The following ZNF608 variants were observed in gnomAD, a reference collection of about 807,000 sequenced individuals.
ZNF608 encodes renal carcinoma antigen NY-REN-36.
Under a neutral mutation model 109.0 loss-of-function variants are expected in ZNF608, and 12 were observed. That is an observed-to-expected ratio of 0.11 (90% CI 0.07 to 0.18). The LOEUF (loss-of-function observed/expected upper bound fraction) is 0.18. Among genes scored for constraint, ZNF608 ranks in the 10% least tolerant of loss-of-function variants. ZNF608 has a pLI of 1.00. For missense variants in ZNF608, 1,707 were observed against 1,879.3 expected (o/e 0.91, Z 1.70); for synonymous variants, 732 against 717.4 (o/e 1.02, Z -0.33).
chr5:124,692,225 T>G (rs1313794356), intron 3 of ZNF608, among the ~76,000 whole-genome samples: 1 of 152,248 alleles, frequency 6.6e-6, no homozygotes, highest in African/African-American at 2.4e-5. Flanking sequence ...AAAGTAGATT[T>G]CTCTATTTTC....
At chr5:124,732,303 G>C (rs534579526) in intron 2 of ZNF608, among the ~76,000 whole-genome samples, 1 of 152,202 alleles carries the variant, frequency 6.6e-6, no homozygotes, top group African/African-American at 2.4e-5. Flanking sequence ...ATCAAAAAGA[G>C]AGACAGTTTA....
At chr5:124,739,223 TCAAA>T (rs2149901789) in intron 2 of ZNF608, among the ~76,000 whole-genome samples, 1 of 152,238 alleles carries the variant, frequency 6.6e-6, no homozygotes, top group East Asian at 1.9e-4. Context: ...ATAAAAGACC[TCAAA>T]CAAAGGCCGG....
chr5:124,698,439 T>C (rs1378196463), intron 3 of ZNF608, among the ~76,000 whole-genome samples: 1 of 152,232 alleles, frequency 6.6e-6, no homozygotes, highest in Non-Finnish European at 1.5e-5. Flanking sequence ...CAGCTCCTTC[T>C]TGTCACCACA....
intron 2 of ZNF608, among the ~76,000 whole-genome samples, chr5:124,716,142 C>CAAAAA (rs1232356378): frequency 6.1e-3 from 431 of 70,962 alleles, no homozygotes; most frequent in Non-Finnish European, 8.2e-3. Context: ...GAATCCGTCT[C>CAAAAA]AAAAAAAAAA....
At chr5:124,657,746 G>A (rs115929986) in intron 3 of ZNF608, among the ~76,000 whole-genome samples, 4,410 of 152,142 alleles carry the variant, frequency 0.029, 79 homozygotes, top group Middle Eastern at 0.061. Flanking sequence ...GGAAAGACAT[G>A]CTTTACTTCT....
chr5:124,694,289 G>A (rs185206117), intron 3 of ZNF608, among the ~76,000 whole-genome samples: 48 of 150,682 alleles, frequency 3.2e-4, no homozygotes, highest in Non-Finnish European at 5.8e-4. Flanking sequence ...CACTGCGCCC[G>A]GCCCTCATTA....
chr5:124,732,544 CAAAAA>C (rs779598186), intron 2 of ZNF608, among the ~76,000 whole-genome samples: 1 of 101,844 alleles, frequency 9.8e-6, no homozygotes, highest in Admixed American at 1.0e-4. Flanking sequence ...TTTGTTTGTT[CAAAAA>C]AAAAAAAAAA....
At chr5:124,662,360 T>C (rs1379106581) in intron 3 of ZNF608, among the ~76,000 whole-genome samples, 1 of 152,336 alleles carries the variant, frequency 6.6e-6, no homozygotes, top group East Asian at 1.9e-4. Flanking sequence ...ATCTGAAACA[T>C]TAGCCCCACA....
intron 9 of ZNF608, 134 bp downstream of exon 9, chr5:124,638,999 A>G (rs1750110892): frequency 1.1e-6 from 1 of 904,664 alleles, no homozygotes; most frequent in Non-Finnish European, 1.7e-6. Flanking sequence ...TTATATTGGC[A>G]TAATAAACAC....
At chr5:124,670,413 T>C (rs920442682) in intron 3 of ZNF608, among the ~76,000 whole-genome samples, 10 of 151,942 alleles carry the variant, frequency 6.6e-5, no homozygotes, top group African/African-American at 2.2e-4. Flanking sequence ...CGTCTTGATA[T>C]GCTATGTAAA....
chr5:124,660,193 TGA>T (rs68069481), intron 3 of ZNF608, among the ~76,000 whole-genome samples: 7,994 of 128,750 alleles, frequency 0.062, 402 homozygotes, highest in East Asian at 0.25. Context: ...TGTGTGTGTG[TGA>T]GAGAGAGAAT....
At position 124,701,280 on chromosome 5, in the gene ZNF608, G is replaced by A. The variant is rs374031836; in HGVS notation, c.907-11C>T. On this transcript the variant is annotated splice_polypyrimidine_tract_variant and intron_variant, in intron 2 of 9. Coordinates refer to ENST00000513986, the MANE Select transcript of ZNF608 (RefSeq NM_020747.3). ...AAACAGGGGGTCAACCTGAAAGACAGACAGGCTTACTGCAGTAGTGCTGCA... is the reference window on the plus strand; with the variant it reads ...AAACAGGGGGTCAACCTGAAAGACAAACAGGCTTACTGCAGTAGTGCTGCA... 5 of 1,613,704 alleles carry A rather than the reference G, an allele frequency of 3.1e-6. No homozygotes were observed. The African/African-American group carries it at 4.0e-5, about 13-fold the overall frequency.
intron 3 of ZNF608, among the ~76,000 whole-genome samples, chr5:124,686,003 T>C (rs74317925): frequency 0.029 from 4,405 of 152,324 alleles, 146 homozygotes; most frequent in East Asian, 0.13. Context: ...TGCAAGAAAC[T>C]GCAAGCTAAG....
Position 124,641,133 on chromosome 5 carries a change from A to C in ZNF608, c.4450+119T>G, listed in dbSNP as rs115575874. On this transcript the variant is annotated intron_variant, in intron 8 of 9. Transcript: ENST00000513986. Reference sequence around the variant, plus strand: ...TGTCACTAGAAAATAAGTGTTAAAAACCCTCCTGAGAGCTAATGTGAACTC... The same window carrying C: ...TGTCACTAGAAAATAAGTGTTAAAACCCCTCCTGAGAGCTAATGTGAACTC... 3,380 of 1,305,224 alleles carry C rather than the reference A, an allele frequency of 2.6e-3. 51 individuals are homozygous for C. In the African/African-American group the frequency reaches 0.041, roughly 16 times the overall value. 80.9% of individuals were successfully genotyped at this position (1,305,224 alleles called of 1,614,324 possible).
intron 2 of ZNF608, among the ~76,000 whole-genome samples, chr5:124,709,093 C>G (rs1369369793): frequency 6.8e-6 from 1 of 147,730 alleles, no homozygotes; most frequent in Admixed American, 7.0e-5. Context: ...ATTGCTTGAA[C>G]CCAGGAGGCG....
At chr5:124,666,346 A>G (rs1169335542) in intron 3 of ZNF608, 1 of 152,196 alleles carries the variant, frequency 6.6e-6, no homozygotes, top group Non-Finnish European at 1.5e-5. Context: ...CCTTTTGGTG[A>G]ATGCGCCACT....
chr5:124,666,051 G>A (rs1751465929), intron 3 of ZNF608, among the ~76,000 whole-genome samples: 1 of 152,224 alleles, frequency 6.6e-6, no homozygotes, highest in African/African-American at 2.4e-5. Flanking sequence ...TAGGTTGCTT[G>A]TGTGTACCAA....
chr5:124,666,582 A>C (rs1222067617), intron 3 of ZNF608, among the ~76,000 whole-genome samples: 1 of 152,198 alleles, frequency 6.6e-6, no homozygotes, highest in African/African-American at 2.4e-5. Context: ...GAAAGAAAAA[A>C]ACTTCAATTT....
rs559829336 is a variant in ZNF608 at position 124,647,377 on chromosome 5, A to G, written c.3007T>C (p.Tyr1003His). 2.6e-5 allele frequency: 42 copies of G among 1,614,212 alleles called. No individual in the cohort carries two copies. The Middle Eastern group carries it at 6.6e-4, about 25-fold the overall frequency. ...HSPYYHSYDP[Y>H]YSPSYMHPGQ... ...GGGTGCATGTAACTTGGAGAATAAT[A>G]AGGATCATAGCTGTGGTAATAGGGA... The change falls in exon 5 of 10, where the codon TAT (tyrosine) becomes CAT (histidine). Residue 1003 changes from tyrosine (Y) to histidine (H), a missense_variant. Around this residue, in one of 7 missense-constraint regions of ZNF608, gnomAD observed 1,073 missense variants for 1,133.5 expected, o/e 0.95. Transcript: ENST00000513986.
Sources: gnomAD v4.1 joint callset for allele counts (sites outside exome capture counted in the v4.1 genomes callset) on GRCh38, gnomAD v4.1.1 for gene constraint, gnomAD v4.1.1 regional missense constraint, MANE v1.5 for transcripts, NCBI Gene and HGNC (gene_info 2026-07-23, HGNC 2026-07-21) for gene names.